Variants in LRP1B observed in about 807,000 individuals in gnomAD.
LRP1B encodes low-density lipoprotein receptor-related protein 1B.
Under a neutral mutation model 556.6 loss-of-function variants are expected in LRP1B, and 217 were observed. The ratio of observed to expected loss-of-function variants is 0.39; its 90% CI spans 0.35 to 0.44. The LOEUF is 0.44. Among genes scored for constraint, LRP1B ranks in the 20% least tolerant of loss-of-function variants. LRP1B has a pLI of 1.00. For missense variants in LRP1B, 5,053 were observed against 5,620.8 expected (o/e 0.90, Z 3.23); for synonymous variants, 2,047 against 1,865.8 (o/e 1.10, Z -2.50).
rs57176510 is a variant in LRP1B at position 141,043,037 on chromosome 2, C to CAA, written c.1789+5947_1789+5948dup. Among the ~76,000 whole-genome samples, 186 of 122,048 alleles carry CAA rather than the reference C, an allele frequency of 1.5e-3. 8 individuals are homozygous for CAA. The highest frequency in any genetic ancestry group is 6.9e-3 in the East Asian group (28 of 4,040). The allele number at this position is 122,048 out of a possible 152,430, so 80.1% of individuals were successfully genotyped here. A position where few individuals can be genotyped will look rare whatever the true frequency, so the allele number is the denominator to read the frequency against. ...TGAAAGGCTGTCACTACAAAAAATA[C>CAA]AAAAAAAAAAAAAAAATTAGCTGAG... On this transcript the variant is annotated intron_variant, in intron 11 of 90. Coordinates refer to ENST00000389484, the MANE Select transcript of LRP1B (RefSeq NM_018557.3).
intron 23 of LRP1B, among the ~76,000 whole-genome samples, chr2:140,893,490 CCT>C (rs1054109750): frequency 7.9e-5 from 12 of 152,134 alleles, no homozygotes; most frequent in African/African-American, 2.7e-4. Context: ...AAGTTCAAAA[CCT>C]TTGCCCTAAC....
chr2:140,809,824 A>C (rs1160583480), intron 32 of LRP1B, among the ~76,000 whole-genome samples: 1 of 152,068 alleles, frequency 6.6e-6, no homozygotes, highest in African/African-American at 2.4e-5. Flanking sequence ...TCCCACGTGT[A>C]CTTCTTCACT....
chr2:140,527,250 C>A (rs899347869), intron 47 of LRP1B, among the ~76,000 whole-genome samples: 1 of 151,766 alleles, frequency 6.6e-6, no homozygotes, highest in Admixed American at 6.6e-5. Flanking sequence ...ACATGACATG[C>A]TATGTATGTT....
At chr2:141,567,960 C>T (rs1331140239) in intron 2 of LRP1B, among the ~76,000 whole-genome samples, 1 of 149,948 alleles carries the variant, frequency 6.7e-6, no homozygotes, top group Non-Finnish European at 1.5e-5. Context: ...AAATTTGTGC[C>T]TGATATTATT....
chr2:140,327,518 A>G (rs1369871651), intron 79 of LRP1B, among the ~76,000 whole-genome samples: 1 of 152,054 alleles, frequency 6.6e-6, no homozygotes, highest in Non-Finnish European at 1.5e-5. Flanking sequence ...AGTAATATGA[A>G]CCACAAATTA....
chr2:140,626,790 T>G (rs531294614), intron 41 of LRP1B, among the ~76,000 whole-genome samples: 3 of 150,142 alleles, frequency 2.0e-5, no homozygotes, highest in Admixed American at 6.6e-5. Flanking sequence ...AAGATTAATA[T>G]ATAAAATATA....
At chr2:141,937,860 T>C (rs994559534) in intron 1 of LRP1B, among the ~76,000 whole-genome samples, 11 of 152,156 alleles carry the variant, frequency 7.2e-5, no homozygotes, top group African/African-American at 2.7e-4. Flanking sequence ...TTTGTGTTGA[T>C]TTTTGTGGAT....
intron 9 of LRP1B, among the ~76,000 whole-genome samples, chr2:141,057,557 C>A (rs920907343): frequency 6.6e-6 from 1 of 151,710 alleles, no homozygotes; most frequent in Non-Finnish European, 1.5e-5. Context: ...CAGGTCTTTC[C>A]CATGCTGTTC....
chr2:140,332,221 T>C (rs1680850812), intron 79 of LRP1B, among the ~76,000 whole-genome samples: 1 of 152,124 alleles, frequency 6.6e-6, no homozygotes, highest in Non-Finnish European at 1.5e-5. Context: ...ATTATCTTTC[T>C]CACCTTTGAA....
rs186131713 is a variant in LRP1B, at chr2:140,966,936, G to A, written c.2888-14996C>T. 1.2e-4 allele frequency among the ~76,000 whole-genome samples: 18 copies of A among 152,178 alleles called. No homozygotes were observed. In the East Asian group the frequency reaches 3.5e-3, roughly 29 times the overall value. ...TTGGTACCAGTACTATGCTGTTTTGGTTACTGTAGACTTGTAGTATAGTTT... is the reference window on the plus strand; with the variant it reads ...TTGGTACCAGTACTATGCTGTTTTGATTACTGTAGACTTGTAGTATAGTTT... On this transcript the variant is annotated intron_variant, in intron 18 of 90. Transcript: ENST00000389484.
Position 141,896,350 on chromosome 2 carries a change from AAAC to A in LRP1B, c.83-85952_83-85950del, listed in dbSNP as rs1190471108. ...AAATCAAAAATAACAGATTAAATAA[AAAC>A]AAATCAACAATGACAACTAAATCTA... On this transcript the variant is annotated intron_variant, in intron 1 of 90. Coordinates refer to ENST00000389484, the MANE Select transcript of LRP1B (RefSeq NM_018557.3). 3.3e-5 allele frequency among the ~76,000 whole-genome samples: 5 copies of A among 152,310 alleles called. No individual in the cohort carries two copies. In the East Asian group the frequency reaches 5.8e-4, roughly 18 times the overall value.
chr2:141,467,233 C>T (rs1004493728), intron 3 of LRP1B, among the ~76,000 whole-genome samples: 6 of 151,086 alleles, frequency 4.0e-5, no homozygotes, highest in East Asian at 3.9e-4. Context: ...CAGCCAATTA[C>T]GTGGGTAATA....
chr2:141,619,673 T>C (rs976628437), intron 2 of LRP1B, among the ~76,000 whole-genome samples: 3 of 152,184 alleles, frequency 2.0e-5, no homozygotes, highest in Non-Finnish European at 2.9e-5. Context: ...TATCTGGAGC[T>C]TAGTTCAACA....
chr2:141,905,451 T>G (rs2104941526), intron 1 of LRP1B, among the ~76,000 whole-genome samples: 1 of 151,766 alleles, frequency 6.6e-6, no homozygotes, highest in South Asian at 2.1e-4. Context: ...ATCAACGAGG[T>G]TTTGTACTTT....
At chr2:141,206,545 C>T (rs1273233423) in intron 6 of LRP1B, among the ~76,000 whole-genome samples, 1 of 151,938 alleles carries the variant, frequency 6.6e-6, no homozygotes. Flanking sequence ...CGAGATCGTG[C>T]CACTGCACTC....
chr2:141,425,090 C>T (rs896168228), intron 3 of LRP1B, among the ~76,000 whole-genome samples: 2 of 149,048 alleles, frequency 1.3e-5, no homozygotes, highest in African/African-American at 4.9e-5. Flanking sequence ...CCACAACAGG[C>T]CACAGAGTGT....
At chr2:141,951,737 T>C (rs1308623075) in intron 1 of LRP1B, among the ~76,000 whole-genome samples, 2 of 152,180 alleles carry the variant, frequency 1.3e-5, no homozygotes, top group African/African-American at 4.8e-5. Context: ...ATTCCATTTA[T>C]ATTAGCCAGA....
At chr2:141,022,647 A>C (rs187094294) in intron 11 of LRP1B, among the ~76,000 whole-genome samples, 15 of 152,096 alleles carry the variant, frequency 9.9e-5, no homozygotes, top group Admixed American at 2.6e-4. Flanking sequence ...TCTATGAACA[A>C]AAGCCCTTTA....
intron 1 of LRP1B, among the ~76,000 whole-genome samples, chr2:141,928,562 A>T (rs1700400694): frequency 6.6e-6 from 1 of 152,156 alleles, no homozygotes; most frequent in South Asian, 2.1e-4. Flanking sequence ...TCACATGTAC[A>T]TCTGAAGGCA....
Sources: gnomAD v4.1 joint callset for allele counts (sites outside exome capture counted in the v4.1 genomes callset) on GRCh38, gnomAD v4.1.1 for gene constraint, MANE v1.5 for transcripts, NCBI Gene and HGNC (gene_info 2026-07-23, HGNC 2026-07-21) for gene names.